Variants in MED1 observed in about 807,000 individuals in gnomAD.
MED1 encodes mediator complex subunit 1.
In MED1, 17 loss-of-function variants were observed where a neutral mutation model predicts 121.3. The ratio of observed to expected loss-of-function variants is 0.14; its 90% CI spans 0.10 to 0.21. MED1 has a LOEUF of 0.21. Among genes scored for constraint, MED1 ranks in the 10% least tolerant of loss-of-function variants. MED1 has a pLI of 1.00. For missense variants in MED1, 1,558 were observed against 1,919.4 expected (o/e 0.81, Z 3.52); for synonymous variants, 661 against 694.4 (o/e 0.95, Z 0.76).
At chr17:39,423,592 T>A in intron 12 of MED1, 105 bp downstream of exon 12, 1 of 1,510,388 alleles carries the variant, frequency 6.6e-7, no homozygotes, top group Non-Finnish European at 9.2e-7. Flanking sequence ...TTACCAGTAA[T>A]ACTTCAATGA....
At chr17:39,449,214 T>C (rs2048758217) in intron 1 of MED1, among the ~76,000 whole-genome samples, 1 of 152,152 alleles carries the variant, frequency 6.6e-6, no homozygotes, top group African/African-American at 2.4e-5. Flanking sequence ...AGGGTCTCGC[T>C]CTGTCGCCCA....
At chr17:39,434,134 A>T in intron 7 of MED1, 115 bp downstream of exon 7, 1 of 655,364 alleles carries the variant, frequency 1.5e-6, no homozygotes, top group African/African-American at 1.9e-5. Flanking sequence ...TTGCAGTATA[A>T]GTAGAAACTA....
chr17:39,449,673 GC>G (rs1044671106), intron 1 of MED1, among the ~76,000 whole-genome samples: 2 of 150,622 alleles, frequency 1.3e-5, no homozygotes, highest in Non-Finnish European at 3.0e-5. Context: ...ACTGTGCCTG[GC>G]TAATTTTGTA....
In MED1 at chr17:39,406,711, G is replaced by T. The variant is rs923881759; in HGVS notation, c.*764C>A. ...TTTTTCTATTATATTTAACTCTAAAGGCGGGCTCTGACTAATTTGCTTGGG... is the reference window on the plus strand; with the variant it reads ...TTTTTCTATTATATTTAACTCTAAATGCGGGCTCTGACTAATTTGCTTGGG... On this transcript the variant is annotated 3_prime_UTR_variant, in exon 17 of 17. Coordinates refer to ENST00000300651, the MANE Select transcript of MED1 (RefSeq NM_004774.4). 1 of 985,290 alleles carries T rather than the reference G, an allele frequency of 1.0e-6. No individual in the cohort carries two copies. The highest frequency in any genetic ancestry group is 1.2e-6 in the Non-Finnish European group (1 of 829,838). 61.0% of individuals were successfully genotyped at this position (985,290 alleles called of 1,614,324 possible).
chr17:39,431,834 A>C (rs181714106), intron 8 of MED1, 108 bp downstream of exon 8: 39 of 678,570 alleles, frequency 5.7e-5, no homozygotes, highest in Admixed American at 3.0e-4. Flanking sequence ...TTGGAAGAGA[A>C]AGGACATATT....
intron 10 of MED1, among the ~76,000 whole-genome samples, chr17:39,426,336 A>T (rs1159697413): frequency 6.6e-6 from 1 of 151,984 alleles, no homozygotes; most frequent in African/African-American, 2.4e-5. Flanking sequence ...AGTCCCAGCT[A>T]CTTGGGAGGC....
At position 39,408,649 on chromosome 17, in the gene MED1, A is replaced by G; in HGVS notation, c.3572T>C (p.Ile1191Thr). The G allele has an allele frequency of 1.9e-6, 3 of 1,614,130 alleles. No individual in the cohort carries two copies. Among genetic ancestry groups the G allele is most frequent in the Non-Finnish European group, 2.5e-6 (3 of 1,180,030 alleles). ...LMNPSLSKPN[I>T]SPSHSRPPGG... ...AGGTGGCCTTGAATGAGAAGGGGAT[A>G]TGTTTGGTTTACTTAAAGAAGGATT... Residue 1191 changes from isoleucine (I) to threonine (T), a missense_variant, in exon 17 of 17, where the codon ATA (isoleucine) becomes ACA (threonine). By Grantham distance (89) the Ile-to-Thr change is moderately conservative. Coordinates refer to ENST00000300651, the MANE Select transcript of MED1 (RefSeq NM_004774.4). This position sits in a 1 kb window ranked among gnomAD's most constrained non-coding sequence, Gnocchi z 4.7.
intron 1 of MED1, among the ~76,000 whole-genome samples, chr17:39,450,451 C>A (rs1219630168): frequency 6.6e-6 from 1 of 152,182 alleles, no homozygotes; most frequent in Non-Finnish European, 1.5e-5. Context: ...TTCACTGTAT[C>A]AACAGAACTA....
intron 10 of MED1, among the ~76,000 whole-genome samples, chr17:39,425,116 T>G (rs144019984): frequency 1.3e-3 from 194 of 152,264 alleles, no homozygotes; most frequent in Admixed American, 4.2e-3. Flanking sequence ...CTTGACTTCA[T>G]GATCCGCCCA....
chr17:39,444,228 G>T (rs1020913730), intron 2 of MED1, among the ~76,000 whole-genome samples: 1 of 152,110 alleles, frequency 6.6e-6, no homozygotes, highest in Non-Finnish European at 1.5e-5. Flanking sequence ...GAACATATAG[G>T]CTGGGTGCGG....
Position 39,407,953 on chromosome 17 carries a change from G to A in MED1, c.4268C>T (p.Pro1423Leu). 3 of 1,614,048 alleles carry A rather than the reference G, an allele frequency of 1.9e-6. No individual in the cohort carries two copies. The highest frequency in any genetic ancestry group is 1.7e-6 in the Non-Finnish European group (2 of 1,180,022). The change falls in exon 17 of 17, where the codon CCT (proline) becomes CTT (leucine). Residue 1423 changes from proline (P) to leucine (L), a missense_variant. By Grantham distance (98) the Pro-to-Leu change is moderately conservative. This residue lies in a region of MED1 where 264 missense variants were observed against 326.1 expected (regional missense o/e 0.81). Coordinates refer to ENST00000300651, the MANE Select transcript of MED1 (RefSeq NM_004774.4). ...ATAGTTTTTAGAAGAAGCCATTTGA[G>A]GCCTAAGCCCTTCTCCACTACTTTC... ...PGESSGEGLR[P>L]QMASSKNYGS... is the part of the protein sequence containing the mutation.
intron 7 of MED1, among the ~76,000 whole-genome samples, chr17:39,433,197 C>T (rs2048583938): frequency 6.6e-6 from 1 of 151,392 alleles, no homozygotes; most frequent in Non-Finnish European, 1.5e-5. Flanking sequence ...AGCAAGAGTC[C>T]ATCTCAAAAA....
In MED1 at chr17:39,404,985, G is replaced by A; in HGVS notation, c.*2490C>T. The A allele has an allele frequency of 2.5e-6, 1 of 405,768 alleles. No individual in the cohort carries two copies. Among genetic ancestry groups the A allele is most frequent in the Admixed American group, 3.9e-5 (1 of 25,374 alleles). The allele number at this position is 405,768 out of a possible 1,614,324, so 25.1% of individuals were successfully genotyped here. A position where few individuals can be genotyped will look rare whatever the true frequency, so the allele number is the denominator to read the frequency against. On this transcript the variant is annotated 3_prime_UTR_variant, in exon 17 of 17. Transcript: ENST00000300651. Reference sequence around the variant, plus strand: ...ACCCCTAATGTTAAGTCAAAAGACAGAAGAGGAATCAGGTCAAACTGAGAA... The same window carrying A: ...ACCCCTAATGTTAAGTCAAAAGACAAAAGAGGAATCAGGTCAAACTGAGAA...
At chr17:39,417,830 C>T (rs533241192) in intron 14 of MED1, among the ~76,000 whole-genome samples, 1 of 151,486 alleles carries the variant, frequency 6.6e-6, no homozygotes, top group Admixed American at 6.6e-5. Flanking sequence ...TGAAAATCAT[C>T]AGCATTTACG....
intron 5 of MED1, 47 bp from the exon 6 acceptor site, chr17:39,439,240 A>G: frequency 3.4e-6 from 5 of 1,472,678 alleles, no homozygotes; most frequent in Non-Finnish European, 4.6e-6. Flanking sequence ...TACTTTAGCA[A>G]CTTTGAAGAT....
At chr17:39,410,839 G>C in intron 16 of MED1, 118 bp from the exon 17 acceptor site, 2 of 1,395,168 alleles carry the variant, frequency 1.4e-6, no homozygotes, top group Non-Finnish European at 1.9e-6. Flanking sequence ...CAAATAATCT[G>C]TAAGACAAAA....
chr17:39,418,318 C>T (rs557377097), intron 14 of MED1, among the ~76,000 whole-genome samples: 2 of 151,200 alleles, frequency 1.3e-5, no homozygotes, highest in African/African-American at 4.8e-5. Context: ...TCAAGAGGAT[C>T]GCTTCAGCCC....
At chr17:39,442,991 G>A (rs1299473171) in intron 3 of MED1, among the ~76,000 whole-genome samples, 2 of 144,326 alleles carry the variant, frequency 1.4e-5, no homozygotes, top group Admixed American at 7.1e-5. Flanking sequence ...ACTTTTCCCA[G>A]GTATCTTTTT....
At chr17:39,420,201 T>C (rs547618003) in intron 13 of MED1, among the ~76,000 whole-genome samples, 1 of 148,736 alleles carries the variant, frequency 6.7e-6, no homozygotes, top group East Asian at 2.0e-4. Flanking sequence ...AAATCTCTTT[T>C]TTTTTTTTTT....
Sources: gnomAD v4.1 joint callset for allele counts (sites outside exome capture counted in the v4.1 genomes callset) on GRCh38, gnomAD v4.1.1 for gene constraint, gnomAD v4.1.1 regional missense constraint, Gnocchi (gnomAD v3.1) non-coding constraint, MANE v1.5 for transcripts, NCBI Gene and HGNC (gene_info 2026-07-23, HGNC 2026-07-21) for gene names.